DHODH: variants seen among roughly 807,000 people sequenced by gnomAD.
DHODH encodes the protein dihydroorotate dehydrogenase (quinone), mitochondrial.
DHODH carries 30 observed loss-of-function variants against 39.7 expected under a neutral mutation model. The ratio of observed to expected loss-of-function variants is 0.76; its 90% CI spans 0.57 to 1.02. The LOEUF (loss-of-function observed/expected upper bound fraction) is 1.02. Ranked by LOEUF, DHODH falls within the 50% of genes least tolerant of loss-of-function variation. The probability of loss-of-function intolerance (pLI) is 0.00; values close to 1 mark genes in which losing one functional copy is unlikely to be tolerated. For synonymous variants in DHODH, 222 were observed against 213.8 expected, an observed-to-expected ratio of 1.04 and a Z score of -0.34; for missense variants, 531 against 520.8, an observed-to-expected ratio of 1.02 and a Z score of -0.19.
rs199842654 is a variant in DHODH, at chr16:72,023,357, G to A, written c.973+39G>A. On this transcript the variant is annotated intron_variant, in intron 7 of 8. Transcript: ENST00000219240. ...TGTTTGTGTCTTCAGATCTGCGTGT[G>A]GCTTGGGCTCCTGGGTCGTGATGGG... 1,991 of 1,614,078 alleles carry A rather than the reference G, an allele frequency of 1.2e-3. 5 individuals carry two copies. The highest frequency in any genetic ancestry group is 1.6e-3 in the Non-Finnish European group (1,831 of 1,180,030).
At chr16:72,011,641 C>G (rs1298918297) in intron 1 of DHODH, among the ~76,000 whole-genome samples, 2 of 152,184 alleles carry the variant, frequency 1.3e-5, no homozygotes, top group Non-Finnish European at 2.9e-5. Flanking sequence ...TTTACCCACA[C>G]AAATGTCAGA....
intron 1 of DHODH, among the ~76,000 whole-genome samples, chr16:72,010,606 A>G (rs530428232): frequency 1.3e-5 from 2 of 152,372 alleles, no homozygotes; most frequent in African/African-American, 4.8e-5. Flanking sequence ...TAATGAATGA[A>G]TAACTCAGCA....
At chr16:72,009,706 C>T (rs2143966065) in intron 1 of DHODH, among the ~76,000 whole-genome samples, 1 of 151,836 alleles carries the variant, frequency 6.6e-6, no homozygotes, top group Admixed American at 6.5e-5. Context: ...CCTCCGCCTC[C>T]CGGGTTCAAC....
intron 2 of DHODH, among the ~76,000 whole-genome samples, chr16:72,012,872 C>T (rs905655694): frequency 6.6e-6 from 1 of 152,048 alleles, no homozygotes; most frequent in Non-Finnish European, 1.5e-5. Flanking sequence ...AGTGTAGATA[C>T]AGCCTCTGAC....
chr16:72,015,579 C>T (rs2041133616), intron 3 of DHODH: 8 of 575,506 alleles, frequency 1.4e-5, no homozygotes, highest in Non-Finnish European at 1.8e-5. Context: ...GGGAGACGGA[C>T]CTGTAGGACA....
Position 72,024,381 on chromosome 16 carries a change from G to A in DHODH, c.*182G>A, listed in dbSNP as rs2041257800. 7 of 676,930 alleles carry A rather than the reference G, an allele frequency of 1.0e-5. No individual in the cohort carries two copies. Among genetic ancestry groups the A allele is most frequent in the Non-Finnish European group, 1.9e-5 (7 of 373,934 alleles). The allele number at this position is 676,930 out of a possible 1,614,324, so 41.9% of individuals were successfully genotyped here. A position where few individuals can be genotyped will look rare whatever the true frequency, so the allele number is the denominator to read the frequency against. Reference sequence around the variant, plus strand: ...AACCGCAGGCTTTCTTCAGTCCCTTGGTCAGACCATAAACTGCATTTTTGA... The same window carrying A: ...AACCGCAGGCTTTCTTCAGTCCCTTAGTCAGACCATAAACTGCATTTTTGA... On this transcript the variant is annotated 3_prime_UTR_variant, in exon 9 of 9. Coordinates refer to ENST00000219240, the MANE Select transcript of DHODH (RefSeq NM_001361.5).
chr16:72,023,374 C>T lies in DHODH; in HGVS notation c.973+56C>T, dbSNP rs112421506. The T allele has an allele frequency of 8.4e-5, 135 of 1,613,776 alleles. 1 individual carries two copies. Among genetic ancestry groups the T allele is most frequent in the South Asian group, 4.5e-4 (41 of 91,014 alleles). ...CTGCGTGTGGCTTGGGCTCCTGGGT[C>T]GTGATGGGAATCATCATTCCCTAAT... On this transcript the variant is annotated intron_variant, in intron 7 of 8. Coordinates refer to ENST00000219240, the MANE Select transcript of DHODH (RefSeq NM_001361.5).
In DHODH at chr16:72,008,752, T is replaced by C. The variant is rs1444388216; in HGVS notation, c.-13T>C. ...GGAAGGGAGACAGGGGCGGGCTTAA[T>C]GACGGAAGGAGCATGGCGTGGAGAC... On this transcript the variant is annotated 5_prime_UTR_variant, in exon 1 of 9. It removes an upstream start codon present in the reference 5' UTR. Coordinates refer to ENST00000219240, the MANE Select transcript of DHODH (RefSeq NM_001361.5). 5.8e-6 allele frequency: 9 copies of C among 1,551,494 alleles called. No individual in the cohort carries two copies. In the East Asian group the frequency reaches 2.0e-4, roughly 34 times the overall value.
At chr16:72,015,777 T>C in intron 3 of DHODH, 1 of 985,474 alleles carries the variant, frequency 1.0e-6, no homozygotes, top group Non-Finnish European at 1.2e-6. Context: ...ATGATGGTAC[T>C]TGGTGAATCC....
intron 4 of DHODH, among the ~76,000 whole-genome samples, chr16:72,019,655 C>G (rs1364294774): frequency 6.6e-6 from 1 of 152,132 alleles, no homozygotes; most frequent in Non-Finnish European, 1.5e-5. Flanking sequence ...TACATGTAAA[C>G]TGAGACCCTC....
chr16:72,012,815 A>G (rs1411130575), intron 2 of DHODH, among the ~76,000 whole-genome samples: 2 of 152,186 alleles, frequency 1.3e-5, no homozygotes, highest in Admixed American at 1.3e-4. Context: ...TCTTTGGCCT[A>G]GAGTCCCAGG....
chr16:72,020,399 CAG>C (rs1458652543), intron 4 of DHODH: 2 of 121,316 alleles, frequency 1.6e-5, no homozygotes, highest in Non-Finnish European at 3.2e-5. Context: ...TTTTTTGAGA[CAG>C]AGTCTTGCTC....
In DHODH at chr16:72,023,381, G is replaced by C. The variant is rs902153085; in HGVS notation, c.973+63G>C. On this transcript the variant is annotated intron_variant, in intron 7 of 8. Transcript: ENST00000219240. ...TGGCTTGGGCTCCTGGGTCGTGATGGGAATCATCATTCCCTAATCTGTCTT... is the reference window on the plus strand; with the variant it reads ...TGGCTTGGGCTCCTGGGTCGTGATGCGAATCATCATTCCCTAATCTGTCTT... 1.2e-5 allele frequency: 20 copies of C among 1,613,702 alleles called. 1 individual carries two copies. The Admixed American group carries it at 2.7e-4, about 22-fold the overall frequency.
Position 72,021,260 on chromosome 16 carries a change from C to T in DHODH, c.654C>T (p.Ala218=), listed in dbSNP as rs779915805. ...TGAATGTGTCCAGCCCCAACACTGC[C>T]GGGCTGCGGAGCCTTCAGGGAAAGG... The part of the protein sequence containing the change: ...LVVNVSSPNT[A]GLRSLQGKAE... The change falls in exon 5 of 9, where the codon GCC becomes GCT. Residue 218 remains alanine, a synonymous_variant. Transcript: ENST00000219240. 8.1e-6 allele frequency: 13 copies of T among 1,612,650 alleles called. No homozygotes were observed. Among genetic ancestry groups the T allele is most frequent in the Admixed American group, 1.7e-5 (1 of 59,866 alleles).
chr16:72,015,975 G>A (rs1402224331), intron 3 of DHODH: 1 of 681,604 alleles, frequency 1.5e-6, no homozygotes, highest in Non-Finnish European at 1.8e-6. Flanking sequence ...TTAAACAACA[G>A]GCACATTTGA....
Position 72,023,590 on chromosome 16 carries a change from C to A in DHODH, c.1090C>A (p.Pro364Thr), listed in dbSNP as rs1489349410. Residue 364 changes from proline to threonine, a missense_variant, in exon 8 of 9, where the codon CCC becomes ACC. By Grantham distance (38) the Pro-to-Thr change is conservative (BLOSUM62 -1). Coordinates refer to ENST00000219240, the MANE Select transcript of DHODH (RefSeq NM_001361.5). ...CACGGCCCTCACCTTCTGGGGGCCA[C>A]CCGTTGTGGGCAAAGTCAAGCGGGA... ...LYTALTFWGP[P>T]VVGKVKRELE... 1 of 1,614,100 alleles carries A rather than the reference C, an allele frequency of 6.2e-7. No individual in the cohort carries two copies. Among genetic ancestry groups the A allele is most frequent in the Admixed American group, 1.7e-5 (1 of 60,020 alleles).
intron 4 of DHODH, 95 bp from the exon 5 acceptor site, chr16:72,021,029 C>A: frequency 7.7e-7 from 1 of 1,291,176 alleles, no homozygotes; most frequent in Non-Finnish European, 1.1e-6. Context: ...GGAAGGCCTG[C>A]GCGGCTGTCC....
chr16:72,023,405 T>A, intron 7 of DHODH, 69 bp from the exon 8 acceptor site: 5 of 1,613,900 alleles, frequency 3.1e-6, no homozygotes. Flanking sequence ...CTAATCTGTC[T>A]TGATTGTGGG....
chr16:72,022,558 G>T, intron 6 of DHODH, 83 bp downstream of exon 6: 1 of 1,122,586 alleles, frequency 8.9e-7, no homozygotes, highest in Non-Finnish European at 1.3e-6. Flanking sequence ...CCAGAATGGC[G>T]TTCTTTGTGA....
Sources: allele counts gnomAD v4.1 joint callset (sites outside exome capture counted in the v4.1 genomes callset), GRCh38; gene constraint gnomAD v4.1.1; transcripts MANE v1.5; gene names NCBI Gene and HGNC (gene_info 2026-07-23, HGNC 2026-07-21).